Variants in ELMO2 observed in about 807,000 individuals in gnomAD.
ELMO2 encodes the protein engulfment and cell motility protein 2.
Under a neutral mutation model 96.2 loss-of-function variants are expected in ELMO2, and 37 were observed. The ratio of observed to expected loss-of-function variants is 0.38; its 90% CI spans 0.30 to 0.51. ELMO2 has a LOEUF of 0.51. Among genes scored for constraint, ELMO2 ranks in the 20% least tolerant of loss-of-function variants. The probability of loss-of-function intolerance (pLI) is 0.88; values close to 1 mark genes in which losing one functional copy is unlikely to be tolerated. For synonymous variants in ELMO2, 315 were observed against 329.4 expected (o/e 0.96, Z 0.47); for missense variants, 561 against 912.6 (o/e 0.61, Z 4.96).
chr20:46,367,340 C>T lies in ELMO2; in HGVS notation c.*20G>A, dbSNP rs766720174. 6.3e-5 allele frequency: 93 copies of T among 1,467,538 alleles called. No homozygotes were observed. The highest frequency in any genetic ancestry group is 7.0e-5 in the Non-Finnish European group (78 of 1,106,858). 90.9% of individuals were successfully genotyped at this position (1,467,538 alleles called of 1,614,324 possible). A position where few individuals can be genotyped will look rare whatever the true frequency, so the allele number is the denominator to read the frequency against. ...GCCCAAAATCCCTTCTCCTGGGTAC[C>T]GTCGTTTCTGGCTCCAGGCTCAGCC... On this transcript the variant is annotated 3_prime_UTR_variant, in exon 22 of 22. Transcript: ENST00000290246.
Position 46,367,274 on chromosome 20 carries a change from A to G in ELMO2, c.*86T>C. ...ACCAAAATCACTACAGATTCTGTAC[A>G]AGCAAAAGACAAGGCACCAGAATGT... On this transcript the variant is annotated 3_prime_UTR_variant, in exon 22 of 22. Transcript: ENST00000290246. The G allele has an allele frequency of 7.8e-7, 1 of 1,289,552 alleles. No homozygotes were observed. The highest frequency in any genetic ancestry group is 1.0e-6 in the Non-Finnish European group (1 of 971,608). 79.9% of individuals were successfully genotyped at this position (1,289,552 alleles called of 1,614,324 possible). A position where few individuals can be genotyped will look rare whatever the true frequency, so the allele number is the denominator to read the frequency against.
Position 46,389,054 on chromosome 20 carries a change from G to T in ELMO2, c.410C>A (p.Thr137Asn), listed in dbSNP as rs369135440. The T allele has an allele frequency of 2.5e-6, 4 of 1,613,884 alleles. No homozygotes were observed. The South Asian group carries it at 4.4e-5, about 18-fold the overall frequency. The change falls in exon 7 of 22, where the codon ACC (threonine) becomes AAC (asparagine). Residue 137 changes from threonine (T) to asparagine (N), a missense_variant. Thr to Asn is a moderately conservative substitution (Grantham distance 65). Transcript: ENST00000290246. ...TCATACTCACTGGGACAAGAGCTTG[G>T]TTCCACTTTCCACGAGCCTTGTCAG... is the stretch of plus-strand genomic sequence containing the variant. ...IVLTRLVESG[T>N]KLLSHYSEML... is the part of the protein sequence containing the mutation.
Position 46,371,794 on chromosome 20 carries a change from G to C in ELMO2, c.1580+12C>G. 1 of 1,614,110 alleles carries C rather than the reference G, an allele frequency of 6.2e-7. No individual in the cohort carries two copies. The highest frequency in any genetic ancestry group is 8.5e-7 in the Non-Finnish European group (1 of 1,179,958). On this transcript the variant is annotated intron_variant, in intron 17 of 21. Coordinates refer to ENST00000290246, the MANE Select transcript of ELMO2 (RefSeq NM_133171.5). The surrounding 1 kb of genome is among the most constrained non-coding windows in gnomAD (Gnocchi z 5.9). ...CACCTCCCCCGCCAGCCTCCCCTGA[G>C]ATGGAACTTACACAATTGGCGGGGA...
chr20:46,392,401 T>G (rs912398251), intron 6 of ELMO2, among the ~76,000 whole-genome samples: 4 of 152,240 alleles, frequency 2.6e-5, no homozygotes, highest in Non-Finnish European at 5.9e-5. Context: ...TTGCCTTCAC[T>G]GGGCTGTTAA....
At chr20:46,376,769 G>A (rs1231651780) in intron 11 of ELMO2, 1 of 1,289,148 alleles carries the variant, frequency 7.8e-7, no homozygotes, top group African/African-American at 1.5e-5. Context: ...TTTTCCACAT[G>A]TACCACCACT....
At chr20:46,384,801 T>TAAA (rs563510371) in intron 9 of ELMO2, among the ~76,000 whole-genome samples, 1 of 114,314 alleles carries the variant, frequency 8.7e-6, no homozygotes, top group Non-Finnish European at 1.9e-5. Flanking sequence ...TCTACAAAAA[T>TAAA]AAAAAAAAAA....
Position 46,389,215 on chromosome 20 carries a change from C to A in ELMO2, c.249G>T (p.Arg83=). The A allele has an allele frequency of 1.2e-6, 2 of 1,613,722 alleles. No homozygotes were observed. The highest frequency in any genetic ancestry group is 1.7e-6 in the Non-Finnish European group (2 of 1,179,784). ...TILQLAISPS[R]AARQLMERTQ... is the part of the protein sequence containing the mutation. ...TCCTCTCCATCAGCTGGCGTGCAGC[C>A]CGGGACTAGGAGGCCAGGGACAAGA... is the stretch of plus-strand genomic sequence containing the variant. Residue 83 remains arginine, a synonymous_variant, in exon 7 of 22, where the codon CGG becomes CGT. Transcript: ENST00000290246.
chr20:46,375,090 G>A lies in ELMO2; in HGVS notation c.1065+146C>T. On this transcript the variant is annotated intron_variant, in intron 13 of 21. Coordinates refer to ENST00000290246, the MANE Select transcript of ELMO2 (RefSeq NM_133171.5). This position sits in a 1 kb window ranked among gnomAD's most constrained non-coding sequence, Gnocchi z 4.6. ...ACAGACTCACCATCAACAAAGCAAA[G>A]CAAGCATTAAAGCTCCACCAGCTTC... 8.7e-7 allele frequency: 1 copy of A among 1,148,230 alleles called. No individual in the cohort carries two copies. The highest frequency in any genetic ancestry group is 1.2e-6 in the Non-Finnish European group (1 of 821,418). 71.1% of individuals were successfully genotyped at this position (1,148,230 alleles called of 1,614,324 possible).
At chr20:46,386,759 G>A (rs2060052470) in intron 8 of ELMO2, among the ~76,000 whole-genome samples, 1 of 152,262 alleles carries the variant, frequency 6.6e-6, no homozygotes, top group African/African-American at 2.4e-5. Flanking sequence ...CAGTGTCGGG[G>A]AGTCCCAATG....
In ELMO2 at chr20:46,393,512, C is replaced by A. The variant is rs1384749437; in HGVS notation, c.192+17G>T. 1 of 1,612,660 alleles carries A rather than the reference C, an allele frequency of 6.2e-7. No individual in the cohort carries two copies. On this transcript the variant is annotated intron_variant, in intron 5 of 21. Coordinates refer to ENST00000290246, the MANE Select transcript of ELMO2 (RefSeq NM_133171.5). ...CCAAGCAAGGCCCATATTGATTTTG[C>A]CTCTCCCTGTACTAACCTGTTCGGT...
At chr20:46,386,086 A>G in intron 9 of ELMO2, 38 bp downstream of exon 9, 1 of 1,597,818 alleles carries the variant, frequency 6.3e-7, no homozygotes, top group Non-Finnish European at 8.6e-7. Flanking sequence ...AAGAGGACAG[A>G]CAAGTGAAGG....
Position 46,370,527 on chromosome 20 carries a change from T to G in ELMO2, c.1802-2A>C. On this transcript the variant is annotated splice_acceptor_variant, in intron 19 of 21. Coordinates refer to ENST00000290246, the MANE Select transcript of ELMO2 (RefSeq NM_133171.5). LOFTEE classifies it high-confidence loss of function. ...TGGCCTTAATGTCTGCAACAGGAAC[T>G]GATAAATGATGGGAATTAGTCTCTG... 1.9e-6 allele frequency: 3 copies of G among 1,613,732 alleles called. No individual in the cohort carries two copies. Among genetic ancestry groups the G allele is most frequent in the African/African-American group, 1.3e-5 (1 of 75,020 alleles).
At chr20:46,386,334 T>G in intron 8 of ELMO2, 59 bp from the exon 9 acceptor site, 1 of 1,589,868 alleles carries the variant, frequency 6.3e-7, no homozygotes. Context: ...GATAGAAGCT[T>G]AGCATCTGAT....
At chr20:46,390,788 A>G (rs1450178117) in intron 6 of ELMO2, 1 of 152,268 alleles carries the variant, frequency 6.6e-6, no homozygotes, top group Admixed American at 6.5e-5. Flanking sequence ...GCTGCCGCCA[A>G]GGAGTCAGGC....
rs6094294 is a variant in ELMO2, at chr20:46,387,008, A to G, written c.525+330T>C. Among the ~76,000 whole-genome samples, 1,243 of 152,334 alleles carry G rather than the reference A, an allele frequency of 8.2e-3. 12 individuals carry two copies. Among genetic ancestry groups the G allele is most frequent in the African/African-American group, 0.029 (1,188 of 41,576 alleles). On this transcript the variant is annotated intron_variant, in intron 8 of 21. Transcript: ENST00000290246. Reference sequence around the variant, plus strand: ...AAATTTTTTTTATATATATACAAAAAGAAGAGAGAGCTCAGGAAGTCGGTC... The same window carrying G: ...AAATTTTTTTTATATATATACAAAAGGAAGAGAGAGCTCAGGAAGTCGGTC...
chr20:46,368,982 G>C lies in ELMO2; in HGVS notation c.1885-14C>G, dbSNP rs745491455. 1.9e-6 allele frequency: 3 copies of C among 1,613,670 alleles called. No individual in the cohort carries two copies. Among genetic ancestry groups the C allele is most frequent in the Non-Finnish European group, 2.5e-6 (3 of 1,179,746 alleles). ...TTCCAACACCTCCTGAAGGAGAAAG[G>C]GTTTAAATTAGAGCGATGGAACAGC... On this transcript the variant is annotated splice_polypyrimidine_tract_variant and intron_variant, in intron 20 of 21. Coordinates refer to ENST00000290246, the MANE Select transcript of ELMO2 (RefSeq NM_133171.5).
rs752677688 is a variant in ELMO2, at chr20:46,371,905, T to C, written c.1481A>G (p.Gln494Arg). ...CAGGCTACGCAATTTGCTCTTGAAC[T>C]GATCCAAAGAGTTGGGTTTGGAGGG... Reference protein sequence around the residue: ...ALPSKPNSLDQFKSKLRSLSY... With the variant: ...ALPSKPNSLDRFKSKLRSLSY... Residue 494 changes from glutamine (Q) to arginine (R), a missense_variant, in exon 17 of 22, where the codon CAG becomes CGG. Gln to Arg is a conservative substitution (Grantham distance 43). Transcript: ENST00000290246. The surrounding 1 kb of genome is among the most constrained non-coding windows in gnomAD (Gnocchi z 5.9). The C allele has an allele frequency of 6.2e-6, 10 of 1,614,094 alleles. No homozygotes were observed. The highest frequency in any genetic ancestry group is 8.5e-6 in the Non-Finnish European group (10 of 1,180,028).
At chr20:46,387,775 G>T (rs911916154) in intron 7 of ELMO2, 20 of 208,540 alleles carry the variant, frequency 9.6e-5, no homozygotes, top group Non-Finnish European at 1.3e-4. Flanking sequence ...CACCTGTTGG[G>T]AGAACCTAAG....
Position 46,368,940 on chromosome 20 carries a change from A to G in ELMO2, c.1913T>C (p.Leu638Pro), listed in dbSNP as rs1244490524. The part of the protein sequence containing the change: ...KEVLELAFSI[L>P]YDPDETLNFI... ...GTTTAAGGTCTCATCAGGGTCATAC[A>G]GGATGGAGAAGGCCAATTCCAACAC... is the stretch of plus-strand genomic sequence containing the variant. Residue 638 changes from leucine to proline, a missense_variant, in exon 21 of 22, where the codon CTG becomes CCG. Leu to Pro is a moderately conservative substitution (Grantham distance 98). Transcript: ENST00000290246. The G allele has an allele frequency of 6.2e-7, 1 of 1,614,224 alleles. No homozygotes were observed. Among genetic ancestry groups the G allele is most frequent in the African/African-American group, 1.3e-5 (1 of 75,054 alleles).
Sources: allele counts gnomAD v4.1 joint callset (sites outside exome capture counted in the v4.1 genomes callset), GRCh38; gene constraint gnomAD v4.1.1; non-coding constraint Gnocchi (gnomAD v3.1); transcripts MANE v1.5; gene names NCBI Gene and HGNC (gene_info 2026-07-23, HGNC 2026-07-21).